Variants in RBFOX1 observed in about 807,000 individuals in gnomAD.
RBFOX1 encodes the protein RNA binding protein fox-1 homolog 1.
In RBFOX1, 8 loss-of-function variants were observed where a neutral mutation model predicts 57.7. That is an observed-to-expected ratio of 0.14 (90% CI 0.08 to 0.25). The LOEUF is 0.25. Ranked by LOEUF, RBFOX1 falls within the 10% of genes least tolerant of loss-of-function variation. RBFOX1 has a pLI of 1.00. For synonymous variants in RBFOX1, 326 were observed against 222.4 expected (o/e 1.47, Z -4.15); for missense variants, 611 against 548.5 (o/e 1.11, Z -1.14).
At chr16:5,843,566 G>C (rs1219813939) in intron 3 of RBFOX1, among the ~76,000 whole-genome samples, 2 of 152,096 alleles carry the variant, frequency 1.3e-5, no homozygotes, top group African/African-American at 2.4e-5. Context: ...GGGCATTTAG[G>C]TCGATTTCAT....
intron 3 of RBFOX1, among the ~76,000 whole-genome samples, chr16:5,859,613 A>T (rs908315188): frequency 2.0e-5 from 3 of 152,216 alleles, no homozygotes; most frequent in African/African-American, 7.2e-5. Context: ...AGAACAGCAT[A>T]GGTGCCCAGG....
intron 4 of RBFOX1, among the ~76,000 whole-genome samples, chr16:7,496,882 C>G (rs150467565): frequency 2.6e-5 from 4 of 152,140 alleles, no homozygotes; most frequent in Non-Finnish European, 2.9e-5. Flanking sequence ...ACAGAATGGA[C>G]TGAAAAAATT....
chr16:5,322,193 C>T (rs1192664021), intron 1 of RBFOX1, among the ~76,000 whole-genome samples: 1 of 152,182 alleles, frequency 6.6e-6, no homozygotes, highest in Non-Finnish European at 1.5e-5. Context: ...CCTTCCAGTT[C>T]TGGGAGCTTC....
intron 3 of RBFOX1, among the ~76,000 whole-genome samples, chr16:5,721,573 G>C (rs971207780): frequency 1.3e-5 from 2 of 152,142 alleles, no homozygotes; most frequent in Non-Finnish European, 2.9e-5. Flanking sequence ...TCAGTCTTCG[G>C]CCATTGCGTA....
At chr16:5,954,099 C>G (rs541701917) in intron 4 of RBFOX1, among the ~76,000 whole-genome samples, 1 of 152,210 alleles carries the variant, frequency 6.6e-6, no homozygotes, top group African/African-American at 2.4e-5. Context: ...CCCCTGCCAT[C>G]GAGAATGACG....
intron 3 of RBFOX1, among the ~76,000 whole-genome samples, chr16:6,861,603 C>T (rs1681838337): frequency 6.6e-6 from 1 of 151,294 alleles, no homozygotes; most frequent in African/African-American, 2.4e-5. Flanking sequence ...TAAGTTGTTC[C>T]AGTAAACAGC....
intron 2 of RBFOX1, among the ~76,000 whole-genome samples, chr16:6,529,070 C>G (rs574279438): frequency 2.0e-5 from 3 of 152,136 alleles, no homozygotes; most frequent in Admixed American, 6.6e-5. Context: ...AAAAAAACTT[C>G]TTGTAAACCG....
At chr16:7,305,825 T>G (rs1038218020) in intron 4 of RBFOX1, among the ~76,000 whole-genome samples, 1 of 152,222 alleles carries the variant, frequency 6.6e-6, no homozygotes, top group Non-Finnish European at 1.5e-5. Flanking sequence ...ATTACGTTCA[T>G]TATTGAGTAA....
At chr16:6,176,848 A>G (rs760386759) in intron 1 of RBFOX1, among the ~76,000 whole-genome samples, 1 of 152,268 alleles carries the variant, frequency 6.6e-6, no homozygotes, top group Non-Finnish European at 1.5e-5. Context: ...CTTCTAGCCT[A>G]AGTTGCCTCC....
chr16:6,703,509 C>A (rs2062182417), intron 3 of RBFOX1, among the ~76,000 whole-genome samples: 1 of 116,830 alleles, frequency 8.6e-6, no homozygotes, highest in African/African-American at 3.4e-5. Context: ...CTCAGCAGTT[C>A]AAGGCAGCCT....
chr16:6,585,511 A>G (rs1276681193), intron 2 of RBFOX1, among the ~76,000 whole-genome samples: 2 of 152,180 alleles, frequency 1.3e-5, no homozygotes, highest in African/African-American at 4.8e-5. Context: ...GCCGTTTTTC[A>G]TCTTGACATG....
At chr16:5,961,622 C>G (rs544086061) in intron 4 of RBFOX1, among the ~76,000 whole-genome samples, 1 of 152,168 alleles carries the variant, frequency 6.6e-6, no homozygotes, top group Non-Finnish European at 1.5e-5. Flanking sequence ...CCAGTTCAAA[C>G]AATCCTCCCA....
At chr16:7,427,794 C>A (rs531789876) in intron 4 of RBFOX1, among the ~76,000 whole-genome samples, 1 of 152,204 alleles carries the variant, frequency 6.6e-6, no homozygotes, top group East Asian at 1.9e-4. Flanking sequence ...GCTGGGATTA[C>A]AGGCATGTGC....
At chr16:6,892,242 A>C (rs543812866) in intron 3 of RBFOX1, among the ~76,000 whole-genome samples, 1 of 152,088 alleles carries the variant, frequency 6.6e-6, no homozygotes, top group Non-Finnish European at 1.5e-5. Context: ...AATTCTTCAC[A>C]TTTTTGACAG....
At chr16:6,136,291 G>T (rs1165188675) in intron 1 of RBFOX1, among the ~76,000 whole-genome samples, 2 of 152,116 alleles carry the variant, frequency 1.3e-5, no homozygotes, top group African/African-American at 4.8e-5. Flanking sequence ...GGCTCCCCTT[G>T]GTTTAGGCTT....
chr16:5,282,491 G>C (rs1231883801), intron 1 of RBFOX1, among the ~76,000 whole-genome samples: 1 of 152,160 alleles, frequency 6.6e-6, no homozygotes, highest in Admixed American at 6.5e-5. Flanking sequence ...AAATTTCCTA[G>C]AGCCCAAAAT....
At chr16:7,019,304 G>A (rs1395473634) in intron 3 of RBFOX1, among the ~76,000 whole-genome samples, 1 of 152,192 alleles carries the variant, frequency 6.6e-6, no homozygotes, top group Non-Finnish European at 1.5e-5. Context: ...TGATGTTTAG[G>A]ATGAAAAGGG....
intron 2 of RBFOX1, among the ~76,000 whole-genome samples, chr16:5,506,388 G>C (rs2043380196): frequency 6.6e-6 from 1 of 152,130 alleles, no homozygotes; most frequent in Non-Finnish European, 1.5e-5. Flanking sequence ...CTGACTCCGT[G>C]GACTCTAAAC....
chr16:5,766,213 A>G (rs922270857), intron 3 of RBFOX1, among the ~76,000 whole-genome samples: 2 of 152,178 alleles, frequency 1.3e-5, no homozygotes, highest in African/African-American at 4.8e-5. Context: ...GTGGGGTCCA[A>G]TCATGGCAGA....
Sources: gnomAD v4.1 joint callset for allele counts (sites outside exome capture counted in the v4.1 genomes callset) on GRCh38, gnomAD v4.1.1 for gene constraint, MANE v1.5 for transcripts, NCBI Gene and HGNC (gene_info 2026-07-23, HGNC 2026-07-21) for gene names.